The following PPP1R9A variants were observed in gnomAD, a reference collection of about 807,000 sequenced individuals.
The protein encoded by PPP1R9A is protein phosphatase 1 regulatory subunit 9A.
In PPP1R9A, 59 loss-of-function variants were observed where a neutral mutation model predicts 141.9. The observed-to-expected ratio is 0.42, with a 90% CI of 0.34 to 0.52. PPP1R9A has a LOEUF of 0.52. PPP1R9A is among the 20% of genes least tolerant of loss of function. The pLI is 0.10. For synonymous variants in PPP1R9A, 500 were observed against 569.7 expected, an observed-to-expected ratio of 0.88 and a Z score of 1.74; for missense variants, 1,444 against 1,611.9, an observed-to-expected ratio of 0.90 and a Z score of 1.78.
intron 7 of PPP1R9A, among the ~76,000 whole-genome samples, chr7:95,221,432 C>T (rs1355887078): frequency 6.6e-6 from 1 of 152,048 alleles, no homozygotes; most frequent in Non-Finnish European, 1.5e-5. Context: ...ATAACAGATA[C>T]TCTCTGTTCC....
rs1223797990 is a variant in PPP1R9A, at chr7:95,291,993, A to G, written c.*1690A>G. The G allele has an allele frequency of 6.6e-6, 1 of 151,994 alleles. No homozygotes were observed. Among genetic ancestry groups the G allele is most frequent in the Non-Finnish European group, 1.5e-5 (1 of 67,976 alleles). The allele number at this position is 151,994 out of a possible 1,614,324, so 9.4% of individuals were successfully genotyped here. A position where few individuals can be genotyped will look rare whatever the true frequency, so the allele number is the denominator to read the frequency against. ...ACATTTTTAATTCTGTTTTACCCCC[A>G]AGGCCTGTTTTCTTTTCATTGCCAG... On this transcript the variant is annotated 3_prime_UTR_variant, in exon 20 of 20. Coordinates refer to ENST00000433360, the MANE Select transcript of PPP1R9A (RefSeq NM_001166160.2).
chr7:95,223,866 T>C (rs1191074037), intron 7 of PPP1R9A, among the ~76,000 whole-genome samples: 1 of 152,076 alleles, frequency 6.6e-6, no homozygotes, highest in Non-Finnish European at 1.5e-5. Context: ...ATGAAAATTT[T>C]TCAGCAAGGT....
intron 2 of PPP1R9A, among the ~76,000 whole-genome samples, chr7:95,083,412 A>G (rs1375334794): frequency 6.6e-6 from 1 of 151,890 alleles, no homozygotes; most frequent in Non-Finnish European, 1.5e-5. Context: ...TTACACAGTA[A>G]CCTAGGTCTT....
In PPP1R9A at chr7:95,161,921, G is replaced by A; in HGVS notation, c.1704G>A (p.Val568=). The change falls in exon 5 of 20, where the codon GTG becomes GTA. Residue 568 remains valine (V), a synonymous_variant. Coordinates refer to ENST00000433360, the MANE Select transcript of PPP1R9A (RefSeq NM_001166160.2). ...VEVDGISLVG[V]TQNFAATVLR... ...TGGATGGAATCAGCTTGGTGGGTGTGACACAGAATTTTGCAGCAACAGTTC... is the reference window on the plus strand; with the variant it reads ...TGGATGGAATCAGCTTGGTGGGTGTAACACAGAATTTTGCAGCAACAGTTC... 6.2e-7 allele frequency: 1 copy of A among 1,611,152 alleles called. No individual in the cohort carries two copies. Among genetic ancestry groups the A allele is most frequent in the Non-Finnish European group, 8.5e-7 (1 of 1,178,362 alleles).
At chr7:95,046,256 T>C (rs1192919882) in intron 2 of PPP1R9A, among the ~76,000 whole-genome samples, 1 of 152,070 alleles carries the variant, frequency 6.6e-6, no homozygotes, top group African/African-American at 2.4e-5. Flanking sequence ...AATTTTTGTA[T>C]TTTTAGTACA....
intron 2 of PPP1R9A, among the ~76,000 whole-genome samples, chr7:95,033,485 A>G (rs1366367836): frequency 1.3e-5 from 2 of 151,896 alleles, no homozygotes; most frequent in Admixed American, 1.3e-4. Flanking sequence ...TTCACTCTTC[A>G]TTATGTTTTC....
In PPP1R9A at chr7:95,295,209, C is replaced by T. The variant is rs1295249055; in HGVS notation, c.*4906C>T. On this transcript the variant is annotated 3_prime_UTR_variant, in exon 20 of 20. Transcript: ENST00000433360. The stretch of plus-strand genomic sequence containing the variant: ...TCAGGACCTGGAGCTGTAATCATAG[C>T]CTTATTGCCACTTCTTGCGTTGTGT... 1 of 152,556 alleles carries T rather than the reference C, an allele frequency of 6.6e-6. No homozygotes were observed. The allele number at this position is 152,556 out of a possible 1,614,324, so 9.5% of individuals were successfully genotyped here. A position where few individuals can be genotyped will look rare whatever the true frequency, so the allele number is the denominator to read the frequency against.
chr7:95,265,593 A>T lies in PPP1R9A; in HGVS notation c.2666-2957A>T, dbSNP rs543517002. Among the ~76,000 whole-genome samples, 5 of 152,286 alleles carry T rather than the reference A, an allele frequency of 3.3e-5. No individual in the cohort carries two copies. The South Asian group carries it at 1.0e-3, about 32-fold the overall frequency. Reference sequence around the variant, plus strand: ...AATACTGTTAAGGGAGACATATTGCATGTAGTGTCTTTGGTAGGTGCTTCT... The same window carrying T: ...AATACTGTTAAGGGAGACATATTGCTTGTAGTGTCTTTGGTAGGTGCTTCT... On this transcript the variant is annotated intron_variant, in intron 12 of 19. Transcript: ENST00000433360.
intron 2 of PPP1R9A, among the ~76,000 whole-genome samples, chr7:94,966,412 C>T (rs1428810156): frequency 6.6e-6 from 1 of 152,172 alleles, no homozygotes; most frequent in Non-Finnish European, 1.5e-5. Flanking sequence ...AAAGGGAATG[C>T]TTCCAATTTT....
At chr7:95,012,609 A>G (rs1170634486) in intron 2 of PPP1R9A, among the ~76,000 whole-genome samples, 2 of 152,166 alleles carry the variant, frequency 1.3e-5, no homozygotes, top group East Asian at 1.9e-4. Context: ...CGTAAGATGA[A>G]CAAGATCATG....
At chr7:94,939,106 A>G (rs1372088297) in intron 2 of PPP1R9A, among the ~76,000 whole-genome samples, 2 of 152,140 alleles carry the variant, frequency 1.3e-5, no homozygotes, top group Non-Finnish European at 2.9e-5. Flanking sequence ...AGGATGATGG[A>G]TTTGGAACAA....
At chr7:95,289,690 T>C (rs1806043112) in intron 19 of PPP1R9A, among the ~76,000 whole-genome samples, 1 of 152,196 alleles carries the variant, frequency 6.6e-6, no homozygotes. Flanking sequence ...TTTCAATTCT[T>C]CTTGCCCTTC....
At chr7:94,957,237 T>A (rs1285700336) in intron 2 of PPP1R9A, among the ~76,000 whole-genome samples, 1 of 152,062 alleles carries the variant, frequency 6.6e-6, no homozygotes, top group Non-Finnish European at 1.5e-5. Context: ...TGCTGTACAG[T>A]TTAAAGCCAT....
intron 2 of PPP1R9A, among the ~76,000 whole-genome samples, chr7:94,998,640 T>C (rs1033664193): frequency 1.3e-5 from 2 of 152,216 alleles, no homozygotes; most frequent in African/African-American, 2.4e-5. Flanking sequence ...TAAACAATCT[T>C]GGAATAGTTT....
At chr7:95,165,608 A>G (rs1303837333) in intron 5 of PPP1R9A, among the ~76,000 whole-genome samples, 2 of 152,218 alleles carry the variant, frequency 1.3e-5, no homozygotes, top group African/African-American at 2.4e-5. Context: ...AACTGTTTAT[A>G]AGTTTTGGGG....
intron 2 of PPP1R9A, among the ~76,000 whole-genome samples, chr7:95,038,145 A>G (rs1479415461): frequency 6.6e-6 from 1 of 151,928 alleles, no homozygotes; most frequent in Non-Finnish European, 1.5e-5. Context: ...TCACATCGTT[A>G]GAACAAGAAA....
chr7:95,057,994 A>G (rs1214664183), intron 2 of PPP1R9A, among the ~76,000 whole-genome samples: 1 of 152,176 alleles, frequency 6.6e-6, no homozygotes, highest in Admixed American at 6.5e-5. Context: ...CAATGGTTAT[A>G]AACCAGAGTA....
chr7:94,952,896 A>G (rs1302005078), intron 2 of PPP1R9A, among the ~76,000 whole-genome samples: 3 of 151,852 alleles, frequency 2.0e-5, no homozygotes, highest in African/African-American at 7.3e-5. Flanking sequence ...ATTTTCTCCC[A>G]TTCTGTAGGT....
chr7:95,143,253 T>C (rs1274818280), intron 4 of PPP1R9A, among the ~76,000 whole-genome samples: 1 of 152,196 alleles, frequency 6.6e-6, no homozygotes, highest in Non-Finnish European at 1.5e-5. Context: ...CTTTCTGGTG[T>C]CATTTGTGAT....
Sources: gnomAD v4.1 joint callset for allele counts (sites outside exome capture counted in the v4.1 genomes callset) on GRCh38, gnomAD v4.1.1 for gene constraint, MANE v1.5 for transcripts, NCBI Gene and HGNC (gene_info 2026-07-23, HGNC 2026-07-21) for gene names.